SLC44A5: variants seen among roughly 807,000 people sequenced by gnomAD.
SLC44A5 encodes the protein choline transporter-like protein 5.
Under a neutral mutation model 101.8 loss-of-function variants are expected in SLC44A5, and 57 were observed. That is an observed-to-expected ratio of 0.56 (90% confidence interval 0.45 to 0.70). SLC44A5 has a LOEUF of 0.70. Ranked by LOEUF, SLC44A5 falls within the 30% of genes least tolerant of loss-of-function variation. The pLI, the probability that SLC44A5 is intolerant of heterozygous loss-of-function variation, is 0.00. For synonymous variants in SLC44A5, 281 were observed against 290.9 expected, an observed-to-expected ratio of 0.97 and a Z score of 0.35; for missense variants, 737 against 853.1, an observed-to-expected ratio of 0.86 and a Z score of 1.70.
intron 2 of SLC44A5, among the ~76,000 whole-genome samples, chr1:75,411,584 T>C (rs1195432759): frequency 2.0e-5 from 3 of 152,026 alleles, no homozygotes; most frequent in African/African-American, 7.3e-5. Flanking sequence ...AATAGAGGGA[T>C]TCTTTATTTC....
intron 2 of SLC44A5, among the ~76,000 whole-genome samples, chr1:75,449,623 T>C (rs997038941): frequency 1.3e-5 from 2 of 152,172 alleles, no homozygotes; most frequent in Admixed American, 1.3e-4. Flanking sequence ...CTGTGACATA[T>C]ATGTTTATAG....
At chr1:75,681,177 A>T in the SLC44A5 span, among the ~76,000 whole-genome samples, 1 of 152,234 alleles carries the variant, frequency 6.6e-6, no homozygotes, top group Non-Finnish European at 1.5e-5. Flanking sequence ...GAATTCTACC[A>T]GAGGTACAAG....
intron 5 of SLC44A5, among the ~76,000 whole-genome samples, chr1:75,290,162 A>G (rs186931676): frequency 1.3e-5 from 2 of 152,342 alleles, no homozygotes; most frequent in Admixed American, 6.5e-5. Flanking sequence ...ATTTATCAGC[A>G]TAGATGACCA....
intron 4 of SLC44A5, among the ~76,000 whole-genome samples, chr1:75,306,970 C>T (rs1654960372): frequency 6.6e-6 from 1 of 151,530 alleles, no homozygotes; most frequent in Non-Finnish European, 1.5e-5. Context: ...GATCTCCTGA[C>T]CTCGTGATCC....
intron 3 of SLC44A5, among the ~76,000 whole-genome samples, chr1:75,365,791 A>G (rs1195178526): frequency 6.6e-6 from 1 of 152,062 alleles, no homozygotes; most frequent in Non-Finnish European, 1.5e-5. Flanking sequence ...ATTCTATTTT[A>G]TTTATCTGCT....
At chr1:75,232,146 A>G (rs986665792) in intron 12 of SLC44A5, among the ~76,000 whole-genome samples, 1 of 151,998 alleles carries the variant, frequency 6.6e-6, no homozygotes, top group Admixed American at 6.6e-5. Flanking sequence ...TACACCATTA[A>G]TTTTTGGGTT....
At position 75,217,942 on chromosome 1, in the gene SLC44A5, T is replaced by C. The variant is rs1018628693; in HGVS notation, c.1548A>G (p.Leu516=). 7.5e-6 allele frequency: 12 copies of C among 1,601,886 alleles called. No homozygotes were observed. Among genetic ancestry groups the C allele is most frequent in the Non-Finnish European group, 1.0e-5 (12 of 1,169,322 alleles). Residue 516 remains leucine (L), a synonymous_variant, in exon 18 of 24, where the codon CTA becomes CTG. Coordinates refer to ENST00000370859, the MANE Select transcript of SLC44A5 (RefSeq NM_001130058.2). ...GRAIRYHTGS[L]AFGSLIIALI... is the part of the protein sequence containing the mutation. Reference sequence around the variant, plus strand: ...ATGCAATAATTAAAGATCCAAATGCTAGGGATCCTGTGTGATATCTGCACA... The same window carrying C: ...ATGCAATAATTAAAGATCCAAATGCCAGGGATCCTGTGTGATATCTGCACA...
intron 3 of SLC44A5, among the ~76,000 whole-genome samples, chr1:75,362,238 A>C (rs1221050950): frequency 6.6e-6 from 1 of 151,786 alleles, no homozygotes; most frequent in East Asian, 1.9e-4. Context: ...TTTTTTAAAA[A>C]AATGTTCGTT....
intron 2 of SLC44A5, among the ~76,000 whole-genome samples, chr1:75,480,494 C>A (rs1667770000): frequency 6.6e-6 from 1 of 152,148 alleles, no homozygotes; most frequent in Non-Finnish European, 1.5e-5. Flanking sequence ...GATTGCATAT[C>A]TAGAAAACCC....
At chr1:75,266,474 T>G (rs1453333555) in intron 6 of SLC44A5, among the ~76,000 whole-genome samples, 1 of 152,198 alleles carries the variant, frequency 6.6e-6, no homozygotes, top group Non-Finnish European at 1.5e-5. Context: ...TGTCTGTGTG[T>G]AACCTAAACA....
intron 3 of SLC44A5, among the ~76,000 whole-genome samples, chr1:75,347,707 T>TGC (rs1323548024): frequency 9.2e-5 from 14 of 151,630 alleles, no homozygotes. Flanking sequence ...TGTGTGTGTG[T>TGC]GTTACAGATT....
intron 3 of SLC44A5, among the ~76,000 whole-genome samples, chr1:75,374,149 C>A (rs74930689): frequency 6.6e-6 from 1 of 152,156 alleles, no homozygotes; most frequent in Non-Finnish European, 1.5e-5. Flanking sequence ...CCTGTTCTTA[C>A]GCAGGCATCA....
chr1:75,677,725 G>T, the SLC44A5 span: 1 of 439,952 alleles, frequency 2.3e-6, no homozygotes, highest in African/African-American at 2.1e-5. Context: ...GCAATCATCT[G>T]TTACCTATAA....
the SLC44A5 span, among the ~76,000 whole-genome samples, chr1:75,709,127 C>A: frequency 1.3e-5 from 2 of 152,166 alleles, no homozygotes; most frequent in African/African-American, 2.4e-5. Context: ...TAACTTGATT[C>A]TCCTGGTTGA....
At chr1:75,656,921 G>A in the SLC44A5 span, among the ~76,000 whole-genome samples, 11,705 of 152,234 alleles carry the variant, frequency 0.077, 1,520 homozygotes, top group African/African-American at 0.27. Context: ...GGACAAGGCA[G>A]GCAGATCACC....
At chr1:75,224,866 T>C (rs934075154) in intron 13 of SLC44A5, among the ~76,000 whole-genome samples, 1 of 151,916 alleles carries the variant, frequency 6.6e-6, no homozygotes, top group African/African-American at 2.4e-5. Context: ...CGTGTGATTA[T>C]AAAAGAGTCA....
At chr1:75,371,370 G>T (rs1202319075) in intron 3 of SLC44A5, among the ~76,000 whole-genome samples, 1 of 152,010 alleles carries the variant, frequency 6.6e-6, no homozygotes, top group Non-Finnish European at 1.5e-5. Context: ...TCCTCAAAGG[G>T]GTTTTAGATA....
chr1:75,528,438 AT>A (rs1216306873), intron 2 of SLC44A5, among the ~76,000 whole-genome samples: 1 of 152,208 alleles, frequency 6.6e-6, no homozygotes, highest in Non-Finnish European at 1.5e-5. Context: ...AAACACATGG[AT>A]TTTACGAAAT....
At chr1:75,273,716 T>C (rs1446572986) in intron 6 of SLC44A5, among the ~76,000 whole-genome samples, 1 of 152,166 alleles carries the variant, frequency 6.6e-6, no homozygotes, top group Non-Finnish European at 1.5e-5. Flanking sequence ...CCTACATCCC[T>C]GGTATGAAAC....
Sources: gnomAD v4.1 joint callset for allele counts (sites outside exome capture counted in the v4.1 genomes callset) on GRCh38, gnomAD v4.1.1 for gene constraint, MANE v1.5 for transcripts, NCBI Gene and HGNC (gene_info 2026-07-23, HGNC 2026-07-21) for gene names.